The following BLNK variants were observed in gnomAD, a reference collection of about 807,000 sequenced individuals.
The protein encoded by BLNK is B-cell linker protein.
A neutral mutation model predicts 73.5 loss-of-function variants in BLNK; 29 were observed. The observed-to-expected ratio is 0.39, with a 90% CI of 0.29 to 0.54. The LOEUF (loss-of-function observed/expected upper bound fraction) is 0.54, where lower values mean the gene tolerates loss of function less well. Ranked by LOEUF, BLNK falls within the 20% of genes least tolerant of loss-of-function variation. The probability of loss-of-function intolerance (pLI) is 0.61; values close to 1 mark genes in which losing one functional copy is unlikely to be tolerated. For missense variants in BLNK, 460 were observed against 562.8 expected (o/e 0.82, Z 1.85); for synonymous variants, 176 against 200.8 (o/e 0.88, Z 1.04).
intron 8 of BLNK, among the ~76,000 whole-genome samples, chr10:96,211,622 G>A (rs587738508): frequency 1.2e-4 from 19 of 152,276 alleles, no homozygotes; most frequent in Non-Finnish European, 2.6e-4. Context: ...GTACCTGGAA[G>A]CCTTCCCCAG....
intron 1 of BLNK, among the ~76,000 whole-genome samples, chr10:96,266,071 A>G (rs1312917182): frequency 6.6e-6 from 1 of 152,262 alleles, no homozygotes; most frequent in Non-Finnish European, 1.5e-5. Context: ...TAATTTCCCT[A>G]GAACAAGCTA....
intron 1 of BLNK, among the ~76,000 whole-genome samples, chr10:96,264,346 T>C (rs1554913710): frequency 1.3e-5 from 2 of 152,164 alleles, no homozygotes; most frequent in African/African-American, 4.8e-5. Flanking sequence ...TTAGGTGGAC[T>C]TAAAAGGCCT....
At chr10:96,262,883 T>C (rs1843820206) in intron 1 of BLNK, among the ~76,000 whole-genome samples, 1 of 152,220 alleles carries the variant, frequency 6.6e-6, no homozygotes, top group Non-Finnish European at 1.5e-5. Context: ...GAACAAAGCC[T>C]GAATGTTACA....
intron 1 of BLNK, among the ~76,000 whole-genome samples, chr10:96,259,107 C>T (rs7900787): frequency 0.02 from 3,009 of 152,292 alleles, 85 homozygotes; most frequent in African/African-American, 0.066. Context: ...TAACTTGTTT[C>T]AACTTGGCCC....
chr10:96,249,710 G>A (rs1203071919), intron 1 of BLNK, among the ~76,000 whole-genome samples: 3 of 152,212 alleles, frequency 2.0e-5, no homozygotes, highest in Admixed American at 6.5e-5. Flanking sequence ...ATGGCAGGGG[G>A]TGGTAGCCCT....
At chr10:96,270,784 G>A (rs115679183) in intron 1 of BLNK, among the ~76,000 whole-genome samples, 11 of 152,278 alleles carry the variant, frequency 7.2e-5, no homozygotes, top group African/African-American at 2.6e-4. Flanking sequence ...CGCCCATGGG[G>A]CCGCTTCTGG....
At chr10:96,254,908 G>C (rs949845905) in intron 1 of BLNK, among the ~76,000 whole-genome samples, 1 of 152,152 alleles carries the variant, frequency 6.6e-6, no homozygotes, top group African/African-American at 2.4e-5. Context: ...TAAAGAAATC[G>C]TCTTGACTTT....
At chr10:96,267,407 G>A (rs1164250248) in intron 1 of BLNK, among the ~76,000 whole-genome samples, 1 of 152,136 alleles carries the variant, frequency 6.6e-6, no homozygotes, top group Non-Finnish European at 1.5e-5. Flanking sequence ...GAGGGCTGAC[G>A]AGGATACCAT....
At chr10:96,241,996 A>T (rs587619699) in intron 3 of BLNK, among the ~76,000 whole-genome samples, 226 of 152,320 alleles carry the variant, frequency 1.5e-3, no homozygotes, top group Admixed American at 3.0e-3. Flanking sequence ...CTAGGATTGC[A>T]GGTGTGAGCC....
chr10:96,222,731 C>T (rs1315372768), intron 6 of BLNK, among the ~76,000 whole-genome samples: 2 of 152,278 alleles, frequency 1.3e-5, no homozygotes, highest in East Asian at 3.9e-4. Flanking sequence ...TACAGACTAG[C>T]TATCTCCATT....
chr10:96,213,667 G>A (rs1000887554), intron 8 of BLNK, among the ~76,000 whole-genome samples: 2 of 152,118 alleles, frequency 1.3e-5, no homozygotes, highest in African/African-American at 2.4e-5. Context: ...GGCAAGTAGA[G>A]CTTTGTAAGA....
chr10:96,208,357 G>C (rs1261678484), intron 9 of BLNK, among the ~76,000 whole-genome samples: 1 of 152,180 alleles, frequency 6.6e-6, no homozygotes, highest in Non-Finnish European at 1.5e-5. Context: ...CAGCAGGTGA[G>C]GTTGCAGCTG....
intron 15 of BLNK, among the ~76,000 whole-genome samples, chr10:96,197,740 A>G (rs1490941476): frequency 6.6e-6 from 1 of 152,072 alleles, no homozygotes; most frequent in Non-Finnish European, 1.5e-5. Flanking sequence ...TTCTCTCCTC[A>G]AAGAACTTTT....
At chr10:96,243,359 A>G (rs2134082290) in intron 2 of BLNK, among the ~76,000 whole-genome samples, 1 of 152,276 alleles carries the variant, frequency 6.6e-6, no homozygotes, top group East Asian at 1.9e-4. Context: ...AGCCTGGGTA[A>G]CATAGTGAGA....
At chr10:96,229,654 C>G (rs372700191) in intron 4 of BLNK, among the ~76,000 whole-genome samples, 7 of 142,664 alleles carry the variant, frequency 4.9e-5, no homozygotes, top group Non-Finnish European at 7.6e-5. Context: ...TTACATGTGG[C>G]TGTGTGTGTG....
intron 12 of BLNK, 112 bp downstream of exon 12, chr10:96,204,407 AAAACAATGAAATG>A: frequency 7.8e-6 from 9 of 1,152,852 alleles, no homozygotes; most frequent in Non-Finnish European, 1.0e-5. Context: ...ACGTAACTGC[AAAACAATGAAATG>A]TTGGATTTTT....
intron 1 of BLNK, among the ~76,000 whole-genome samples, chr10:96,269,859 C>T (rs367728053): frequency 6.6e-6 from 1 of 152,106 alleles, no homozygotes; most frequent in African/African-American, 2.4e-5. Context: ...TTGTGTTAAG[C>T]TTTGAGTGAC....
intron 1 of BLNK, among the ~76,000 whole-genome samples, chr10:96,256,812 C>T (rs1843535438): frequency 7.3e-6 from 1 of 136,806 alleles, no homozygotes. Context: ...ACCCGGGAGG[C>T]AGAGGTTGCA....
intron 1 of BLNK, among the ~76,000 whole-genome samples, chr10:96,258,130 G>C (rs530332094): frequency 6.6e-6 from 1 of 152,282 alleles, no homozygotes; most frequent in African/African-American, 2.4e-5. Flanking sequence ...CTCCAGCCTG[G>C]CCTTGCTATG....
Sources: allele counts gnomAD v4.1 joint callset (sites outside exome capture counted in the v4.1 genomes callset), GRCh38; gene constraint gnomAD v4.1.1; transcripts MANE v1.5; gene names NCBI Gene and HGNC (gene_info 2026-07-23, HGNC 2026-07-21).